Variants in COMMD6 observed in about 807,000 individuals in gnomAD.
COMMD6 encodes COMM domain-containing protein 6.
Under a neutral mutation model 13.4 loss-of-function variants are expected in COMMD6, and 11 were observed. The observed-to-expected ratio is 0.82, with a 90% confidence interval of 0.52 to 1.36. The LOEUF (loss-of-function observed/expected upper bound fraction) is 1.36, where lower values mean the gene tolerates loss of function less well. COMMD6 is among the 40% of genes most tolerant of loss of function. The probability of loss-of-function intolerance (pLI) is 0.00; values close to 1 mark genes in which losing one functional copy is unlikely to be tolerated. For synonymous variants in COMMD6, 43 were observed against 36.5 expected (o/e 1.18, Z -0.64); for missense variants, 124 against 102.4 (o/e 1.21, Z -0.91).
At chr13:75,531,276 TGAG>T (rs777116855) in intron 2 of COMMD6, among the ~76,000 whole-genome samples, 15 of 152,198 alleles carry the variant, frequency 9.9e-5, no homozygotes, top group Non-Finnish European at 1.9e-4. Flanking sequence ...TATTTGAGCT[TGAG>T]GACTATGGTG....
upstream of COMMD6, among the ~76,000 whole-genome samples, chr13:75,538,365 A>C (rs933881097): frequency 6.6e-6 from 1 of 152,108 alleles, no homozygotes; most frequent in Non-Finnish European, 1.5e-5. Context: ...TTGTCTTCCC[A>C]CCTCTTTCCT....
Position 75,526,630 on chromosome 13 carries a change from T to C in COMMD6, c.217A>G (p.Arg73Gly). ...MTIPQFQNFY[R>G]QFKEIAAVIE... is the part of the protein sequence containing the mutation. ...ACTGCAGCAATTTCCTTGAACTGTC[T>C]GTAGAAATTCTGGAGAGAAAGGGGG... The change falls in exon 4 of 4, where the codon AGA becomes GGA. Residue 73 changes from arginine (R) to glycine (G), a missense_variant. Arg to Gly is a moderately radical substitution (Grantham distance 125). Coordinates refer to ENST00000682242, the MANE Select transcript of COMMD6 (RefSeq NM_203495.4). The C allele has an allele frequency of 6.2e-7, 1 of 1,604,164 alleles. No homozygotes were observed. The highest frequency in any genetic ancestry group is 2.2e-5 in the East Asian group (1 of 44,680).
chr13:75,526,446 T>A lies in COMMD6; in HGVS notation c.*143A>T. On this transcript the variant is annotated 3_prime_UTR_variant, in exon 4 of 4. Transcript: ENST00000682242. ...ATCACCACTACCCAGTTCCTGTTTG[T>A]CTGATTTTTATTATTTAAAAAAATG... 1 of 631,214 alleles carries A rather than the reference T, an allele frequency of 1.6e-6. No homozygotes were observed. Among genetic ancestry groups the A allele is most frequent in the Non-Finnish European group, 2.8e-6 (1 of 361,634 alleles). 39.1% of individuals were successfully genotyped at this position (631,214 alleles called of 1,614,324 possible).
At chr13:75,538,444 G>C (rs910692255), upstream of COMMD6, among the ~76,000 whole-genome samples, 1 of 152,178 alleles carries the variant, frequency 6.6e-6, no homozygotes, top group Middle Eastern at 3.4e-3. Context: ...TTTGTATTTT[G>C]AAAAATTTAT....
At chr13:75,527,739 A>T in intron 3 of COMMD6, 1 of 1,289,116 alleles carries the variant, frequency 7.8e-7, no homozygotes, top group South Asian at 2.8e-5. Context: ...GTGCAAAGTG[A>T]AATAAGCCAG....
At chr13:75,535,908 G>A (rs1398232558) in intron 2 of COMMD6, among the ~76,000 whole-genome samples, 1 of 150,874 alleles carries the variant, frequency 6.6e-6, no homozygotes, top group Non-Finnish European at 1.5e-5. Flanking sequence ...TTTTTTAAGA[G>A]ATGGAGTCTC....
chr13:75,529,303 A>G lies in COMMD6; in HGVS notation c.207+811T>C, dbSNP rs1001651978. ...TGGGAGGCCAAGGTGGGTGGATCACAAGGTCAGGAGATCGAGACCATCCTG... is the reference window on the plus strand; with the variant it reads ...TGGGAGGCCAAGGTGGGTGGATCACGAGGTCAGGAGATCGAGACCATCCTG... On this transcript the variant is annotated intron_variant, in intron 3 of 3. Coordinates refer to ENST00000682242, the MANE Select transcript of COMMD6 (RefSeq NM_203495.4). Among the ~76,000 whole-genome samples, 9 of 152,184 alleles carry G rather than the reference A, an allele frequency of 5.9e-5. No homozygotes were observed. The East Asian group carries it at 9.7e-4, about 16-fold the overall frequency.
At chr13:75,535,454 G>A (rs1002191620) in intron 2 of COMMD6, among the ~76,000 whole-genome samples, 1 of 152,196 alleles carries the variant, frequency 6.6e-6, no homozygotes, top group Admixed American at 6.5e-5. Flanking sequence ...AGGCTACTGC[G>A]GTATTCCAGG....
upstream of COMMD6, among the ~76,000 whole-genome samples, chr13:75,538,342 A>G (rs975444886): frequency 1.8e-4 from 27 of 152,230 alleles, no homozygotes; most frequent in African/African-American, 6.0e-4. Context: ...TGGCTGCGGA[A>G]TACCTTCCCA....
upstream of COMMD6, among the ~76,000 whole-genome samples, chr13:75,540,040 A>AC (rs1264299774): frequency 4.2e-5 from 6 of 141,864 alleles, no homozygotes; most frequent in Admixed American, 2.3e-4. Context: ...GCGTGATCTC[A>AC]CCTCACTGCA....
At chr13:75,540,916 C>T (rs2030817187), upstream of COMMD6, among the ~76,000 whole-genome samples, 1 of 152,118 alleles carries the variant, frequency 6.6e-6, no homozygotes, top group African/African-American at 2.4e-5. Flanking sequence ...ATGAAGCAGG[C>T]AATGCTTCAA....
At chr13:75,534,979 G>T (rs2030612184) in intron 2 of COMMD6, among the ~76,000 whole-genome samples, 1 of 152,168 alleles carries the variant, frequency 6.6e-6, no homozygotes, top group African/African-American at 2.4e-5. Flanking sequence ...AGTGGGGAAG[G>T]CAGACAATAA....
upstream of COMMD6, among the ~76,000 whole-genome samples, chr13:75,539,880 C>T (rs529034984): frequency 1.3e-3 from 194 of 151,984 alleles, no homozygotes; most frequent in South Asian, 1.5e-3. Context: ...ATGAATCAGA[C>T]GATTTCTTCT....
intron 1 of COMMD6, among the ~76,000 whole-genome samples, chr13:75,548,454 C>G (rs1202135790): frequency 6.6e-6 from 1 of 152,144 alleles, no homozygotes; most frequent in Non-Finnish European, 1.5e-5. Flanking sequence ...TGCTCTCTAC[C>G]TGAATTTCCT....
At chr13:75,535,021 C>T (rs1020111920) in intron 2 of COMMD6, among the ~76,000 whole-genome samples, 1 of 152,142 alleles carries the variant, frequency 6.6e-6, no homozygotes, top group African/African-American at 2.4e-5. Flanking sequence ...AGTATTATAG[C>T]GTGACGAAAT....
At position 75,526,478 on chromosome 13, in the gene COMMD6, C is replaced by A. The variant is rs1346209403; in HGVS notation, c.*111G>T. The A allele has an allele frequency of 2.6e-6, 2 of 767,888 alleles. No homozygotes were observed. Among genetic ancestry groups the A allele is most frequent in the Non-Finnish European group, 4.2e-6 (2 of 471,186 alleles). The allele number at this position is 767,888 out of a possible 1,614,324, so 47.6% of individuals were successfully genotyped here. On this transcript the variant is annotated 3_prime_UTR_variant, in exon 4 of 4. Transcript: ENST00000682242. Reference sequence around the variant, plus strand: ...TTTATTATTTAAAAAAATGGAAAAACAAAAGTGCATTTTTCATTCAATAAA... The same window carrying A: ...TTTATTATTTAAAAAAATGGAAAAAAAAAAGTGCATTTTTCATTCAATAAA...
intron 2 of COMMD6, among the ~76,000 whole-genome samples, chr13:75,536,438 T>C (rs971765079): frequency 9.2e-5 from 14 of 152,212 alleles, no homozygotes; most frequent in Non-Finnish European, 1.3e-4. Flanking sequence ...TATGTTACCT[T>C]AGGCAACAAA....
At chr13:75,530,064 C>A in intron 3 of COMMD6, 50 bp downstream of exon 3, 1 of 1,419,958 alleles carries the variant, frequency 7.0e-7, no homozygotes, top group Non-Finnish European at 9.7e-7. Flanking sequence ...TCTTTTTATG[C>A]AATGATTACA....
chr13:75,533,957 C>T (rs554865919), intron 2 of COMMD6, among the ~76,000 whole-genome samples: 1 of 152,086 alleles, frequency 6.6e-6, no homozygotes, highest in South Asian at 2.1e-4. Flanking sequence ...AAAAACTAAA[C>T]CAAGAATTCA....
Sources: gnomAD v4.1 joint callset for allele counts (sites outside exome capture counted in the v4.1 genomes callset) on GRCh38, gnomAD v4.1.1 for gene constraint, MANE v1.5 for transcripts, NCBI Gene and HGNC (gene_info 2026-07-23, HGNC 2026-07-21) for gene names.